The following CDC16 variants were observed in gnomAD, a reference collection of about 807,000 sequenced individuals.
CDC16 encodes the protein cell division cycle 16.
CDC16 carries 34 observed loss-of-function variants against 87.0 expected under a neutral mutation model. That is an observed-to-expected ratio of 0.39 (90% CI 0.30 to 0.52). CDC16 has a LOEUF of 0.52. Among genes scored for constraint, CDC16 ranks in the 20% least tolerant of loss-of-function variants. CDC16 has a pLI of 0.74. For synonymous variants in CDC16, 263 were observed against 260.6 expected (o/e 1.01, Z -0.09); for missense variants, 653 against 751.9 (o/e 0.87, Z 1.54).
At chr13:114,246,101 A>G in intron 10 of CDC16, 52 bp downstream of exon 10, 1 of 818,770 alleles carries the variant, frequency 1.2e-6, no homozygotes, top group Admixed American at 3.0e-5. Context: ...CTGTACTTTA[A>G]GAAAATGCTT....
intron 17 of CDC16, among the ~76,000 whole-genome samples, chr13:114,267,216 G>C (rs995019990): frequency 3.9e-5 from 6 of 152,106 alleles, no homozygotes; most frequent in Non-Finnish European, 7.4e-5. Flanking sequence ...GGCCGGGCGT[G>C]GTGGCCCACG....
chr13:114,244,011 T>C, intron 8 of CDC16, 22 bp downstream of exon 8: 2 of 1,580,666 alleles, frequency 1.3e-6, no homozygotes, highest in Non-Finnish European at 1.7e-6. Flanking sequence ...CATCCATTTT[T>C]CTGTAGGAAC....
rs934678034 is a variant in CDC16, at chr13:114,237,036, C to T, written c.201+140C>T. The T allele has an allele frequency of 8.0e-6, 4 of 501,014 alleles. No homozygotes were observed. In the African/African-American group the frequency reaches 8.0e-5, roughly 10 times the overall value. 31.0% of individuals were successfully genotyped at this position (501,014 alleles called of 1,614,324 possible). Reference sequence around the variant, plus strand: ...GGATCATGAGGTCAGGAGCTCAAGACCAAGATGGTGAAACCCCATCTCCGC... The same window carrying T: ...GGATCATGAGGTCAGGAGCTCAAGATCAAGATGGTGAAACCCCATCTCCGC... On this transcript the variant is annotated intron_variant, in intron 3 of 17. Transcript: ENST00000356221.
intron 17 of CDC16, among the ~76,000 whole-genome samples, chr13:114,269,833 T>C (rs1454382019): frequency 6.6e-6 from 1 of 152,164 alleles, no homozygotes; most frequent in Non-Finnish European, 1.5e-5. Context: ...GCCTCCTGAG[T>C]AGCTGGGATT....
Position 114,234,915 on chromosome 13 carries a change from G to T in CDC16, c.-170G>T, listed in dbSNP as rs17337717. On this transcript the variant is annotated 5_prime_UTR_variant, in exon 1 of 18. Transcript: ENST00000356221. ...CCTGGGCAGTGCACGGGGCCTGGGT[G>T]GGGGGTGCGGGTGTGGGTGGGGACC... The T allele has an allele frequency of 9.5e-5, 38 of 401,098 alleles. No individual in the cohort carries two copies. Among genetic ancestry groups the T allele is most frequent in the Middle Eastern group, 6.5e-4 (1 of 1,534 alleles). The allele number at this position is 401,098 out of a possible 1,614,324, so 24.8% of individuals were successfully genotyped here. A position where few individuals can be genotyped will look rare whatever the true frequency, so the allele number is the denominator to read the frequency against.
chr13:114,262,579 G>T (rs1218622732), intron 15 of CDC16, among the ~76,000 whole-genome samples: 2 of 152,338 alleles, frequency 1.3e-5, no homozygotes, highest in East Asian at 3.9e-4. Context: ...GTGGTGTGTG[G>T]TAAGGGCACA....
chr13:114,253,809 C>G (rs2082340976), intron 12 of CDC16, among the ~76,000 whole-genome samples: 1 of 152,040 alleles, frequency 6.6e-6, no homozygotes, highest in Non-Finnish European at 1.5e-5. Context: ...CCTGTTACAT[C>G]TGATTTTATA....
At position 114,234,991 on chromosome 13, in the gene CDC16, GCAGGCA is replaced by G; in HGVS notation, c.-92_-87del. 1.9e-6 allele frequency: 2 copies of G among 1,050,326 alleles called. No individual in the cohort carries two copies. Among genetic ancestry groups the G allele is most frequent in the Non-Finnish European group, 1.2e-6 (1 of 826,150 alleles). 65.1% of individuals were successfully genotyped at this position (1,050,326 alleles called of 1,614,324 possible). The stretch of plus-strand genomic sequence containing the variant: ...GAGTCCTGGGGCGGCGGCGGCGGCT[GCAGGCA>G]CGGGCACGGGCACGGGGCGGGGTGC... On this transcript the variant is annotated 5_prime_UTR_variant, in exon 1 of 18. Transcript: ENST00000356221.
At chr13:114,265,385 T>G (rs983124834) in intron 17 of CDC16, 145 bp downstream of exon 17, 22 of 602,418 alleles carry the variant, frequency 3.7e-5, no homozygotes, top group Admixed American at 8.3e-5. Flanking sequence ...GAAACTCCAT[T>G]TATTTTATTA....
At chr13:114,251,675 T>A (rs1285105272) in intron 12 of CDC16, among the ~76,000 whole-genome samples, 1 of 152,180 alleles carries the variant, frequency 6.6e-6, no homozygotes, top group Non-Finnish European at 1.5e-5. Context: ...CATAACAAAA[T>A]ACCACAGACT....
intron 10 of CDC16, 127 bp from the exon 11 acceptor site, chr13:114,246,804 G>A (rs1002295052): frequency 1.5e-6 from 1 of 678,718 alleles, no homozygotes; most frequent in Admixed American, 2.3e-5. Context: ...TTAGAGAAAT[G>A]TCTAACTTAA....
At chr13:114,257,702 A>T (rs1280412664) in intron 13 of CDC16, among the ~76,000 whole-genome samples, 1 of 152,232 alleles carries the variant, frequency 6.6e-6, no homozygotes, top group African/African-American at 2.4e-5. Context: ...TTGGTGTTAT[A>T]CTCAAAGAGA....
chr13:114,261,317 T>C (rs1298624124), intron 14 of CDC16, among the ~76,000 whole-genome samples: 1 of 151,996 alleles, frequency 6.6e-6, no homozygotes. Flanking sequence ...AACAACCCGG[T>C]CAGACTTTTA....
intron 5 of CDC16, among the ~76,000 whole-genome samples, chr13:114,241,769 G>C (rs988568054): frequency 2.0e-5 from 3 of 152,108 alleles, no homozygotes; most frequent in African/African-American, 7.2e-5. Flanking sequence ...TAAGTTTAAG[G>C]GCCAGGCATG....
At chr13:114,272,141 A>G (rs765538453) in intron 17 of CDC16, 43 bp from the exon 18 acceptor site, 6 of 1,118,702 alleles carry the variant, frequency 5.4e-6, no homozygotes, top group South Asian at 4.8e-5. Flanking sequence ...ATGATAAGTG[A>G]TGGAATTTCT....
At chr13:114,248,419 G>A (rs2081980892) in intron 11 of CDC16, among the ~76,000 whole-genome samples, 3 of 152,134 alleles carry the variant, frequency 2.0e-5, no homozygotes, top group Non-Finnish European at 2.9e-5. Context: ...GGTGGCTCAC[G>A]CCTGTAATCC....
At chr13:114,270,220 T>C (rs17338361) in intron 17 of CDC16, among the ~76,000 whole-genome samples, 3,714 of 152,124 alleles carry the variant, frequency 0.024, 157 homozygotes, top group African/African-American at 0.085. Flanking sequence ...CTCAGGAAAC[T>C]TGAAATCATG....
At position 114,252,644 on chromosome 13, in the gene CDC16, CA is replaced by C. The variant is rs34493717; in HGVS notation, c.1097+1980del. ...ATGTATCAATATGATAATTTGTTAC[CA>C]AAAAAAAAATCTCAATAATTCACTA... On this transcript the variant is annotated intron_variant, in intron 12 of 17. Coordinates refer to ENST00000356221, the MANE Select transcript of CDC16 (RefSeq NM_001078645.3). 6.9e-5 allele frequency among the ~76,000 whole-genome samples: 9 copies of C among 129,930 alleles called. No homozygotes were observed. In the South Asian group the frequency reaches 7.3e-4, roughly 11 times the overall value. The allele number at this position is 129,930 out of a possible 152,430, so 85.2% of individuals were successfully genotyped here.
intron 17 of CDC16, among the ~76,000 whole-genome samples, chr13:114,267,213 C>T (rs191615927): frequency 6.6e-4 from 100 of 152,134 alleles, no homozygotes; most frequent in Non-Finnish European, 1.3e-3. Context: ...CTAGGCCGGG[C>T]GTGGTGGCCC....
Sources: allele counts gnomAD v4.1 joint callset (sites outside exome capture counted in the v4.1 genomes callset), GRCh38; gene constraint gnomAD v4.1.1; transcripts MANE v1.5; gene names NCBI Gene and HGNC (gene_info 2026-07-23, HGNC 2026-07-21).